C6orf118: variants seen among roughly 807,000 people sequenced by gnomAD.
The protein encoded by C6orf118 is uncharacterized protein C6orf118.
Under a neutral mutation model 50.2 loss-of-function variants are expected in C6orf118, and 50 were observed. That is an observed-to-expected ratio of 1.00 (90% CI 0.79 to 1.26). The LOEUF is 1.26. Among genes scored for constraint, C6orf118 ranks in the 50% most tolerant of loss-of-function variants. The pLI is 0.00. For missense variants in C6orf118, 641 were observed against 578.7 expected (o/e 1.11, Z -1.10); for synonymous variants, 239 against 230.9 (o/e 1.03, Z -0.32).
chr6:165,291,528 G>C (rs531362746), intron 6 of C6orf118, among the ~76,000 whole-genome samples: 1 of 152,238 alleles, frequency 6.6e-6, no homozygotes, highest in South Asian at 2.1e-4. Context: ...TAGCCAGGGG[G>C]ATGCCAATTT....
intron 1 of C6orf118, 34 bp from the exon 2 acceptor site, chr6:165,302,330 CG>C: frequency 1.3e-6 from 2 of 1,592,818 alleles, no homozygotes; most frequent in Non-Finnish European, 1.7e-6. Flanking sequence ...TCTTAGGGAT[CG>C]CTCTTAGTTC....
intron 5 of C6orf118, among the ~76,000 whole-genome samples, chr6:165,296,823 C>G (rs954873940): frequency 1.3e-5 from 2 of 152,186 alleles, no homozygotes; most frequent in African/African-American, 2.4e-5. Flanking sequence ...CTTCTCTGTG[C>G]CTCACCTGAT....
chr6:165,284,852 T>C (rs1583000980), intron 7 of C6orf118, among the ~76,000 whole-genome samples: 1 of 152,082 alleles, frequency 6.6e-6, no homozygotes, highest in South Asian at 2.1e-4. Context: ...GAAAAACCAT[T>C]ACCAGCCACT....
At chr6:165,286,444 C>T (rs1032118121) in intron 7 of C6orf118, among the ~76,000 whole-genome samples, 1 of 152,120 alleles carries the variant, frequency 6.6e-6, no homozygotes, top group Admixed American at 6.6e-5. Flanking sequence ...CCGCATCATC[C>T]TGGTACCAAA....
chr6:165,283,939 C>A (rs1779822862), intron 7 of C6orf118, among the ~76,000 whole-genome samples: 1 of 152,188 alleles, frequency 6.6e-6, no homozygotes, highest in African/African-American at 2.4e-5. Context: ...GATCTCAACA[C>A]CTCTCCAGCA....
At chr6:165,302,421 A>T in intron 1 of C6orf118, 125 bp from the exon 2 acceptor site, 3 of 1,219,692 alleles carry the variant, frequency 2.5e-6, no homozygotes, top group Non-Finnish European at 3.4e-6. Context: ...AGACGAACAG[A>T]GTACATGGCC....
At chr6:165,286,217 G>A (rs558747600) in intron 7 of C6orf118, among the ~76,000 whole-genome samples, 40 of 152,210 alleles carry the variant, frequency 2.6e-4, no homozygotes, top group African/African-American at 8.9e-4. Flanking sequence ...ACCCTCCCAA[G>A]ACTGAACCAG....
At chr6:165,289,738 T>C (rs1780039705) in intron 7 of C6orf118, 148 bp downstream of exon 7, 1 of 466,930 alleles carries the variant, frequency 2.1e-6, no homozygotes, top group South Asian at 5.0e-5. Flanking sequence ...ATTATGATTA[T>C]TTGCTACAAA....
At chr6:165,282,324 T>A (rs1779755496) in intron 7 of C6orf118, among the ~76,000 whole-genome samples, 1 of 152,136 alleles carries the variant, frequency 6.6e-6, no homozygotes, top group South Asian at 2.1e-4. Flanking sequence ...TCAGGATAAC[T>A]GTGAACAAAA....
In C6orf118 at chr6:165,301,952, G is replaced by T. The variant is rs142001393; in HGVS notation, c.370C>A (p.Gln124Lys). 6 of 1,613,666 alleles carry T rather than the reference G, an allele frequency of 3.7e-6. No individual in the cohort carries two copies. The African/African-American group carries it at 8.0e-5, about 22-fold the overall frequency. ...IHTALVPSEA[Q>K]DTPLFRYLNP... ...AGGTACCTGAACAGCGGGGTGTCCT[G>T]GGCCTCACTGGGGACCAGGGCCGTG... Residue 124 changes from glutamine (Q) to lysine (K), a missense_variant, in exon 2 of 9, where the codon CAG becomes AAG. Gln to Lys is a moderately conservative substitution (Grantham distance 53). Coordinates refer to ENST00000230301, the MANE Select transcript of C6orf118 (RefSeq NM_144980.4).
At chr6:165,299,336 T>C (rs1158354648) in intron 4 of C6orf118, 107 bp downstream of exon 4, 4 of 877,566 alleles carry the variant, frequency 4.6e-6, no homozygotes, top group Non-Finnish European at 7.4e-6. Flanking sequence ...TTCTAAATTA[T>C]GGGGCACACA....
At chr6:165,294,455 T>C (rs759420492) in intron 5 of C6orf118, among the ~76,000 whole-genome samples, 5 of 152,170 alleles carry the variant, frequency 3.3e-5, no homozygotes, top group Non-Finnish European at 7.3e-5. Flanking sequence ...CACTGTGATT[T>C]GATTTAAAAC....
At chr6:165,290,477 G>A (rs1251434840) in intron 6 of C6orf118, among the ~76,000 whole-genome samples, 1 of 152,124 alleles carries the variant, frequency 6.6e-6, no homozygotes, top group Non-Finnish European at 1.5e-5. Flanking sequence ...CTTTGCCAGA[G>A]AAGTGTGGCT....
chr6:165,299,452 T>C lies in C6orf118; in HGVS notation c.927A>G (p.Ala309=), dbSNP rs778798590. Residue 309 remains alanine, a synonymous_variant, in exon 4 of 9, where the codon GCA becomes GCG. Transcript: ENST00000230301. ...MATLLESQPA[A]QYEALLAQLK... is the part of the protein sequence containing the mutation. ...TGTGATCGATCGTCACCTCGTACTG[T>C]GCTGCAGGCTGGGACTCCAGGAGCG... is the stretch of plus-strand genomic sequence containing the variant. The C allele has an allele frequency of 9.2e-5, 149 of 1,613,952 alleles. No individual in the cohort carries two copies. Among genetic ancestry groups the C allele is most frequent in the Admixed American group, 4.0e-4 (24 of 60,004 alleles).
chr6:165,293,044 C>G, intron 6 of C6orf118: 1 of 228,978 alleles, frequency 4.4e-6, no homozygotes, highest in East Asian at 1.0e-4. Context: ...GAGCAAGATA[C>G]TTAAACTTAT....
Position 165,301,475 on chromosome 6 carries a change from A to C in C6orf118, c.753+94T>G. The C allele has an allele frequency of 2.7e-6, 4 of 1,475,708 alleles. No individual in the cohort carries two copies. The South Asian group carries it at 5.3e-5, about 20-fold the overall frequency. The allele number at this position is 1,475,708 out of a possible 1,614,324, so 91.4% of individuals were successfully genotyped here. On this transcript the variant is annotated intron_variant, in intron 2 of 8. Coordinates refer to ENST00000230301, the MANE Select transcript of C6orf118 (RefSeq NM_144980.4). The stretch of plus-strand genomic sequence containing the variant: ...CTATGCCCCGGAGCTCTGCCCCGAG[A>C]GGTTTGCCCCAGAGCTGTGCCCTGA...
At position 165,294,254 on chromosome 6, in the gene C6orf118, C is replaced by CAA. The variant is rs71026682; in HGVS notation, c.1062-785_1062-784dup. ...GAGCCAGACTCCGTCTTTAAAAAAG[C>CAA]AAAAAAAAAAAAACAAAAAAAAAAA... On this transcript the variant is annotated intron_variant, in intron 5 of 8. Transcript: ENST00000230301. 9.4e-3 allele frequency among the ~76,000 whole-genome samples: 1,148 copies of CAA among 122,686 alleles called. 8 individuals are homozygous for CAA. Among genetic ancestry groups the CAA allele is most frequent in the Middle Eastern group, 0.024 (6 of 250 alleles). 80.5% of individuals were successfully genotyped at this position (122,686 alleles called of 152,430 possible). A position where few individuals can be genotyped will look rare whatever the true frequency, so the allele number is the denominator to read the frequency against.
At chr6:165,299,246 C>T (rs1408118520) in intron 4 of C6orf118, among the ~76,000 whole-genome samples, 197 bp downstream of exon 4, 1 of 152,090 alleles carries the variant, frequency 6.6e-6, no homozygotes, top group African/African-American at 2.4e-5. Flanking sequence ...TAATGCTATG[C>T]CAATCAAAAG....
At chr6:165,303,135 A>C (rs1429261289) in intron 1 of C6orf118, among the ~76,000 whole-genome samples, 2 of 152,216 alleles carry the variant, frequency 1.3e-5, no homozygotes, top group Non-Finnish European at 2.9e-5. Context: ...TACCCTCCTC[A>C]GAGAAACTTC....
Sources: gnomAD v4.1 joint callset for allele counts (sites outside exome capture counted in the v4.1 genomes callset) on GRCh38, gnomAD v4.1.1 for gene constraint, MANE v1.5 for transcripts, NCBI Gene and HGNC (gene_info 2026-07-23, HGNC 2026-07-21) for gene names.